The following ABLIM1 variants were observed in gnomAD, a reference collection of about 807,000 sequenced individuals.
ABLIM1 encodes actin-binding LIM protein 1.
ABLIM1 carries 40 observed loss-of-function variants against 107.0 expected under a neutral mutation model. The ratio of observed to expected loss-of-function variants is 0.37; its 90% CI spans 0.29 to 0.49. ABLIM1 has a LOEUF of 0.49. Among genes scored for constraint, ABLIM1 ranks in the 20% least tolerant of loss-of-function variants. The pLI, the probability that ABLIM1 is intolerant of heterozygous loss-of-function variation, is 0.97. For synonymous variants in ABLIM1, 357 were observed against 357.3 expected, an observed-to-expected ratio of 1.00 and a Z score of 0.01; for missense variants, 857 against 1,008.5, an observed-to-expected ratio of 0.85 and a Z score of 2.04.
chr10:114,643,371 A>C (rs979114292), intron 1 of ABLIM1, among the ~76,000 whole-genome samples: 3 of 152,184 alleles, frequency 2.0e-5, no homozygotes, highest in Non-Finnish European at 2.9e-5. Flanking sequence ...TCATCTAAGC[A>C]TCTCACAGAA....
chr10:114,768,086 G>T (rs1223946481), upstream of ABLIM1: 1 of 429,610 alleles, frequency 2.3e-6, no homozygotes, highest in Non-Finnish European at 4.6e-6. Context: ...TGCAGGCAGC[G>T]GGAGCCGGAG....
intron 14 of ABLIM1, among the ~76,000 whole-genome samples, chr10:114,449,566 G>C (rs535379538): frequency 2.8e-4 from 43 of 152,232 alleles, no homozygotes; most frequent in African/African-American, 9.1e-4. Flanking sequence ...TATGGGTGTG[G>C]GCCACTGTGC....
intron 4 of ABLIM1, among the ~76,000 whole-genome samples, chr10:114,565,272 G>A (rs1208806523): frequency 6.6e-6 from 1 of 152,202 alleles, no homozygotes. Context: ...ATGTGTGGAT[G>A]CATTCCTGCC....
intron 1 of ABLIM1, among the ~76,000 whole-genome samples, chr10:114,745,146 C>T (rs557752575): frequency 6.6e-6 from 1 of 152,250 alleles, no homozygotes; most frequent in Non-Finnish European, 1.5e-5. Flanking sequence ...CCTCCACTGC[C>T]CCACCCTCTC....
chr10:114,506,236 C>T (rs2061123495), intron 6 of ABLIM1, among the ~76,000 whole-genome samples: 1 of 152,158 alleles, frequency 6.6e-6, no homozygotes, highest in African/African-American at 2.4e-5. Flanking sequence ...TGTATAGATA[C>T]CACATTTTCT....
chr10:114,558,836 C>T (rs1243704650), intron 4 of ABLIM1, among the ~76,000 whole-genome samples: 1 of 151,552 alleles, frequency 6.6e-6, no homozygotes, highest in Non-Finnish European at 1.5e-5. Flanking sequence ...AAAATACTAG[C>T]ATAAAACATT....
chr10:114,736,760 T>C (rs553541954), intron 1 of ABLIM1, among the ~76,000 whole-genome samples: 1 of 152,174 alleles, frequency 6.6e-6, no homozygotes, highest in East Asian at 1.9e-4. Flanking sequence ...TGCAAGTATA[T>C]GTTGCTGAAC....
chr10:114,555,115 A>C (rs918862527), intron 4 of ABLIM1, among the ~76,000 whole-genome samples: 4 of 152,152 alleles, frequency 2.6e-5, no homozygotes, highest in African/African-American at 9.7e-5. Context: ...AAACATTGTA[A>C]ATGGCCCACT....
Position 114,467,884 on chromosome 10 carries a change from C to T in ABLIM1, c.1311+297G>A, listed in dbSNP as rs557716486. ...ATTAATTATAGATGCGGACAAAGAG[C>T]CCCACATTGGGACAAGTGACTTATG... On this transcript the variant is annotated intron_variant, in intron 11 of 22. Coordinates refer to ENST00000533213, the MANE Select transcript of ABLIM1 (RefSeq NM_002313.7). Among the ~76,000 whole-genome samples, 9 of 152,254 alleles carry T rather than the reference C, an allele frequency of 5.9e-5. No homozygotes were observed. The South Asian group carries it at 1.9e-3, about 32-fold the overall frequency.
chr10:114,555,876 T>A (rs1171630053), intron 4 of ABLIM1, among the ~76,000 whole-genome samples: 1 of 152,078 alleles, frequency 6.6e-6, no homozygotes, highest in Non-Finnish European at 1.5e-5. Flanking sequence ...AAAAACCATA[T>A]TTGTCATAAA....
chr10:114,522,810 G>A (rs2063960608), intron 6 of ABLIM1, among the ~76,000 whole-genome samples: 1 of 152,202 alleles, frequency 6.6e-6, no homozygotes, highest in Non-Finnish European at 1.5e-5. Flanking sequence ...TGCAGCTTAA[G>A]GTACAAGAAA....
At chr10:114,437,766 TA>T (rs2059627901) in intron 22 of ABLIM1, 77 bp downstream of exon 22, 2 of 1,245,978 alleles carry the variant, frequency 1.6e-6, no homozygotes, top group African/African-American at 3.0e-5. Flanking sequence ...ACTGAAGAAA[TA>T]AAACATTGCT....
intron 8 of ABLIM1, chr10:114,485,486 T>C: frequency 9.9e-7 from 1 of 1,005,826 alleles, no homozygotes; most frequent in Admixed American, 2.9e-5. Flanking sequence ...TAGGTAAAAC[T>C]AACTTGAGAG....
rs1020194549 is a variant in ABLIM1 at position 114,439,265 on chromosome 10, C to T, written c.2068-15G>A. On this transcript the variant is annotated splice_polypyrimidine_tract_variant and intron_variant, in intron 20 of 22. Coordinates refer to ENST00000533213, the MANE Select transcript of ABLIM1 (RefSeq NM_002313.7). ...TCTGGGAGTGTCTGCAACAGAAATG[C>T]CAGTTCCAGGTGAGGCATGAAATAG... 1 of 1,613,990 alleles carries T rather than the reference C, an allele frequency of 6.2e-7. No individual in the cohort carries two copies. Among genetic ancestry groups the T allele is most frequent in the Admixed American group, 1.7e-5 (1 of 60,008 alleles).
chr10:114,683,763 C>T (rs533489874), intron 1 of ABLIM1, among the ~76,000 whole-genome samples: 1 of 152,288 alleles, frequency 6.6e-6, no homozygotes, highest in South Asian at 2.1e-4. Context: ...TGCGTGGGGC[C>T]ACCCTCTGCA....
At chr10:114,689,818 A>G (rs2141692138), upstream of ABLIM1, among the ~76,000 whole-genome samples, 1 of 152,222 alleles carries the variant, frequency 6.6e-6, no homozygotes, top group Admixed American at 6.5e-5. Flanking sequence ...TAAGCTGGAC[A>G]GGGAAGAGTA....
At chr10:114,742,551 A>G (rs2082307940) in intron 1 of ABLIM1, among the ~76,000 whole-genome samples, 1 of 152,208 alleles carries the variant, frequency 6.6e-6, no homozygotes, top group Non-Finnish European at 1.5e-5. Context: ...AACTTGAATA[A>G]GAAAACAAAT....
chr10:114,620,955 A>T (rs1234986071), intron 1 of ABLIM1, among the ~76,000 whole-genome samples: 1 of 152,046 alleles, frequency 6.6e-6, no homozygotes, highest in Non-Finnish European at 1.5e-5. Flanking sequence ...GGGCATCCAT[A>T]CGTCTGACCC....
At chr10:114,447,569 A>G (rs2139451413) in intron 15 of ABLIM1, among the ~76,000 whole-genome samples, 1 of 152,292 alleles carries the variant, frequency 6.6e-6, no homozygotes, top group East Asian at 1.9e-4. Flanking sequence ...CTTTCACTCA[A>G]CTATGTTCAA....
Sources: gnomAD v4.1 joint callset for allele counts (sites outside exome capture counted in the v4.1 genomes callset) on GRCh38, gnomAD v4.1.1 for gene constraint, MANE v1.5 for transcripts, NCBI Gene and HGNC (gene_info 2026-07-23, HGNC 2026-07-21) for gene names.